Variants in BAG3 observed in about 807,000 individuals in gnomAD.
BAG3 encodes the protein BAG cochaperone 3.
A neutral mutation model predicts 40.5 loss-of-function variants in BAG3; 14 were observed. The observed-to-expected ratio is 0.35, with a 90% CI of 0.23 to 0.54. The LOEUF (loss-of-function observed/expected upper bound fraction) is 0.54. Among genes scored for constraint, BAG3 ranks in the 20% least tolerant of loss-of-function variants. The probability of loss-of-function intolerance (pLI) is 0.91; values close to 1 mark genes in which losing one functional copy is unlikely to be tolerated. For synonymous variants in BAG3, 302 were observed against 307.8 expected (o/e 0.98, Z 0.20); for missense variants, 788 against 758.6 (o/e 1.04, Z -0.46).
At chr10:119,667,877 C>T (rs1020244716) in intron 1 of BAG3, among the ~76,000 whole-genome samples, 5 of 152,218 alleles carry the variant, frequency 3.3e-5, no homozygotes, top group East Asian at 3.8e-4. Context: ...ATGCAGGCTC[C>T]GATTTCGGCT....
intron 1 of BAG3, among the ~76,000 whole-genome samples, chr10:119,655,049 C>G (rs1488908140): frequency 6.6e-6 from 1 of 152,188 alleles, no homozygotes; most frequent in Admixed American, 6.5e-5. Flanking sequence ...TTTGGTGGTT[C>G]TGATTCTGCT....
chr10:119,676,729 C>T lies in BAG3; in HGVS notation c.1175C>T (p.Thr392Ile), dbSNP rs770810573. 1 of 1,614,104 alleles carries T rather than the reference C, an allele frequency of 6.2e-7. No homozygotes were observed. The highest frequency in any genetic ancestry group is 1.1e-5 in the South Asian group (1 of 91,082). ...CCCTCTTCCCCCAAGAGTGTGGCTACAGAAGAGAGGGCAGCCCCCAGCACT... is the reference window on the plus strand; with the variant it reads ...CCCTCTTCCCCCAAGAGTGTGGCTATAGAAGAGAGGGCAGCCCCCAGCACT... ...AVPSSPKSVA[T>I]EERAAPSTAP... is the part of the protein sequence containing the mutation. The change falls in exon 4 of 4, where the codon ACA becomes ATA. Residue 392 changes from threonine to isoleucine, a missense_variant. Thr to Ile is a moderately conservative substitution (Grantham distance 89). Transcript: ENST00000369085.
chr10:119,671,463 A>C (rs1394498693), intron 2 of BAG3, among the ~76,000 whole-genome samples: 1 of 152,242 alleles, frequency 6.6e-6, no homozygotes, highest in African/African-American at 2.4e-5. Context: ...GTGGCCCAGC[A>C]GGGAAAGGTG....
chr10:119,651,731 G>A lies in BAG3; in HGVS notation c.56G>A (p.Arg19His). The change falls in exon 1 of 4, where the codon CGC (arginine) becomes CAC (histidine). Residue 19 changes from arginine to histidine, a missense_variant. Physicochemically the swap from Arg to His is conservative, Grantham distance 29 (BLOSUM62 0). Coordinates refer to ENST00000369085, the MANE Select transcript of BAG3 (RefSeq NM_004281.4). ...CAGGTGGCGTCCGGCAACGGTGACC[G>A]CGACCCTTTGCCCCCCGGATGGGAG... Reference protein sequence around the residue: ...MMQVASGNGDRDPLPPGWEIK... With the variant: ...MMQVASGNGDHDPLPPGWEIK... 6.3e-7 allele frequency: 1 copy of A among 1,597,666 alleles called. No homozygotes were observed. The highest frequency in any genetic ancestry group is 1.1e-5 in the South Asian group (1 of 89,016).
Position 119,665,142 on chromosome 10 carries a change from A to AT in BAG3, c.181-4708dup, listed in dbSNP as rs1366963228. ...TGTGTGTGTGTATATATATATATAT[A>AT]TATTTTTTTTTTTAGTTGGAGTCTT... On this transcript the variant is annotated intron_variant, in intron 1 of 3. Coordinates refer to ENST00000369085, the MANE Select transcript of BAG3 (RefSeq NM_004281.4). 4.0e-3 allele frequency among the ~76,000 whole-genome samples: 353 copies of AT among 87,822 alleles called. 5 individuals carry two copies. The highest frequency in any genetic ancestry group is 0.016 in the African/African-American group (345 of 21,374). 57.6% of individuals were successfully genotyped at this position (87,822 alleles called of 152,430 possible). A position where few individuals can be genotyped will look rare whatever the true frequency, so the allele number is the denominator to read the frequency against.
At chr10:119,675,911 T>TTTCCCCCCCTCCCC (rs1564776238) in intron 3 of BAG3, among the ~76,000 whole-genome samples, 1 of 6,276 alleles carries the variant, frequency 1.6e-4, no homozygotes, top group African/African-American at 1.1e-3. Context: ...CCCCCTTCCT[T>TTTCCCCCCCTCCCC]CCTTCCTTCC....
At chr10:119,671,410 C>T (rs933099505) in intron 2 of BAG3, among the ~76,000 whole-genome samples, 1 of 152,188 alleles carries the variant, frequency 6.6e-6, no homozygotes, top group South Asian at 2.1e-4. Context: ...GCTAACAAAG[C>T]ACTTAGAAGA....
chr10:119,667,331 G>T (rs532603934), intron 1 of BAG3, among the ~76,000 whole-genome samples: 1 of 152,118 alleles, frequency 6.6e-6, no homozygotes, highest in East Asian at 1.9e-4. Context: ...GCATAATTTT[G>T]TGCGTATTTA....
rs1180366101 is a variant in BAG3, at chr10:119,676,680, C to T, written c.1126C>T (p.Pro376Ser). ...VPPAPVPCPP[P>S]SPGPSAVPSS... is the part of the protein sequence containing the mutation. ...CCCTGCTCCAGTTCCTTGTCCTCCT[C>T]CCAGCCCTGGCCCTTCTGCTGTCCC... The change falls in exon 4 of 4, where the codon CCC (proline) becomes TCC (serine). Residue 376 changes from proline to serine, a missense_variant. By Grantham distance (74) the Pro-to-Ser change is moderately conservative (BLOSUM62 -1). Transcript: ENST00000369085. 1 of 1,614,204 alleles carries T rather than the reference C, an allele frequency of 6.2e-7. No individual in the cohort carries two copies. Among genetic ancestry groups the T allele is most frequent in the Non-Finnish European group, 8.5e-7 (1 of 1,180,040 alleles).
chr10:119,652,440 C>T (rs1474740553), intron 1 of BAG3, among the ~76,000 whole-genome samples: 2 of 152,134 alleles, frequency 1.3e-5, no homozygotes, highest in African/African-American at 4.8e-5. Context: ...TCAAAACATT[C>T]ATATATATAT....
At position 119,675,439 on chromosome 10, in the gene BAG3, C is replaced by A. The variant is rs191946863; in HGVS notation, c.910-1025C>A. Among the ~76,000 whole-genome samples, 153 of 152,328 alleles carry A rather than the reference C, an allele frequency of 1.0e-3. 1 individual carries two copies. Among genetic ancestry groups the A allele is most frequent in the African/African-American group, 3.4e-3 (140 of 41,582 alleles). On this transcript the variant is annotated intron_variant, in intron 3 of 3. Transcript: ENST00000369085. ...TGTGTCATTGCTGAATGTTAGGCTA[C>A]AGCACAGCTATCCTGAAGCAAAATT...
intron 1 of BAG3, among the ~76,000 whole-genome samples, chr10:119,667,052 C>T (rs1214433675): frequency 6.6e-6 from 1 of 152,182 alleles, no homozygotes; most frequent in Non-Finnish European, 1.5e-5. Flanking sequence ...TCTCAGCTCA[C>T]TGCCACCTCT....
At chr10:119,665,652 T>G (rs1847054426) in intron 1 of BAG3, among the ~76,000 whole-genome samples, 1 of 152,162 alleles carries the variant, frequency 6.6e-6, no homozygotes, top group African/African-American at 2.4e-5. Flanking sequence ...ATGGGAACAT[T>G]AGAATGTGGC....
chr10:119,660,235 T>A (rs1025249363), intron 1 of BAG3, among the ~76,000 whole-genome samples: 2 of 152,230 alleles, frequency 1.3e-5, no homozygotes, highest in Non-Finnish European at 2.9e-5. Context: ...CTGGCCTGGC[T>A]TTTCTCTCTA....
intron 1 of BAG3, among the ~76,000 whole-genome samples, chr10:119,656,322 G>A (rs1846909407): frequency 6.6e-6 from 1 of 151,396 alleles, no homozygotes; most frequent in African/African-American, 2.4e-5. Flanking sequence ...TTTGTTGTGA[G>A]TCAAGTAGAC....
chr10:119,666,689 T>C (rs78006872), intron 1 of BAG3, among the ~76,000 whole-genome samples: 10,108 of 85,654 alleles, frequency 0.12, 380 homozygotes, highest in Middle Eastern at 0.26. Flanking sequence ...CCTCAAGGCC[T>C]GTCTGAGGAC....
In BAG3 at chr10:119,665,525, C is replaced by T. The variant is rs370738311; in HGVS notation, c.181-4326C>T. On this transcript the variant is annotated intron_variant, in intron 1 of 3. Transcript: ENST00000369085. ...AACTCCTGACCTCAGGTGATCCACC[C>T]GCCTCGGCCTCCCAAAGTGCTGAGA... Among the ~76,000 whole-genome samples the T allele has an allele frequency of 6.7e-4, 102 of 152,060 alleles. 1 individual carries two copies. In the East Asian group the frequency reaches 0.016, roughly 23 times the overall value.
At chr10:119,675,284 G>A (rs1469635634) in intron 3 of BAG3, among the ~76,000 whole-genome samples, 1 of 151,764 alleles carries the variant, frequency 6.6e-6, no homozygotes, top group Non-Finnish European at 1.5e-5. Context: ...ATTGAGCTGT[G>A]ATAGCCCCGC....
At chr10:119,651,914 G>A in intron 1 of BAG3, 59 bp downstream of exon 1, 1 of 1,423,288 alleles carries the variant, frequency 7.0e-7, no homozygotes, top group Non-Finnish European at 9.3e-7. Flanking sequence ...CAGGCGGCGG[G>A]GAGTGGGCTG....
Sources: gnomAD v4.1 joint callset for allele counts (sites outside exome capture counted in the v4.1 genomes callset) on GRCh38, gnomAD v4.1.1 for gene constraint, MANE v1.5 for transcripts, NCBI Gene and HGNC (gene_info 2026-07-23, HGNC 2026-07-21) for gene names.